GRB14: variants seen among roughly 807,000 people sequenced by gnomAD.
The protein encoded by GRB14 is growth factor receptor-bound protein 14.
A neutral mutation model predicts 69.1 loss-of-function variants in GRB14; 38 were observed. The ratio of observed to expected loss-of-function variants is 0.55; its 90% confidence interval spans 0.42 to 0.72. GRB14 has a LOEUF of 0.72. Ranked by LOEUF, GRB14 falls within the 30% of genes least tolerant of loss-of-function variation. The probability of loss-of-function intolerance (pLI) is 0.00; values close to 1 mark genes in which losing one functional copy is unlikely to be tolerated. For missense variants in GRB14, 666 were observed against 666.1 expected, an observed-to-expected ratio of 1.00 and a Z score of 0.00; for synonymous variants, 247 against 241.3, an observed-to-expected ratio of 1.02 and a Z score of -0.22.
rs575866159 is a variant in GRB14, at chr2:164,565,569, C to T, written c.325-17753G>A. Among the ~76,000 whole-genome samples the T allele has an allele frequency of 2.0e-5, 3 of 152,156 alleles. No individual in the cohort carries two copies. In the East Asian group the frequency reaches 5.8e-4, roughly 29 times the overall value. ...TCTGGGTGACCTTGCATAAGTCACT[C>T]AACACCCAAGAGACTCAGTCTTCTC... is the stretch of plus-strand genomic sequence containing the variant. On this transcript the variant is annotated intron_variant, in intron 2 of 13. Transcript: ENST00000263915.
At chr2:164,564,454 T>A (rs1050408050) in intron 2 of GRB14, among the ~76,000 whole-genome samples, 1 of 152,228 alleles carries the variant, frequency 6.6e-6, no homozygotes, top group Non-Finnish European at 1.5e-5. Flanking sequence ...ATTAGTCTAA[T>A]TGTATGAGGA....
At chr2:164,620,015 T>A (rs1690408789) in intron 1 of GRB14, 196 bp from the exon 2 acceptor site, 2 of 326,586 alleles carry the variant, frequency 6.1e-6, no homozygotes, top group Admixed American at 5.6e-5. Context: ...TACAAACAAA[T>A]CTCCTATAGT....
intron 2 of GRB14, among the ~76,000 whole-genome samples, chr2:164,590,163 T>C (rs770253638): frequency 6.6e-6 from 1 of 152,226 alleles, no homozygotes; most frequent in Non-Finnish European, 1.5e-5. Flanking sequence ...TTCATATTTT[T>C]CCTAAGGAAT....
At chr2:164,499,201 T>A (rs1440436922) in intron 9 of GRB14, among the ~76,000 whole-genome samples, 1 of 152,120 alleles carries the variant, frequency 6.6e-6, no homozygotes, top group East Asian at 1.9e-4. Flanking sequence ...AAAAATACCA[T>A]TATATTAAGA....
intron 2 of GRB14, among the ~76,000 whole-genome samples, chr2:164,605,920 A>T (rs1445170782): frequency 1.3e-5 from 2 of 152,284 alleles, no homozygotes; most frequent in East Asian, 3.9e-4. Flanking sequence ...AAACTACACT[A>T]GCACTTCTCA....
At chr2:164,529,653 C>A (rs568856789) in intron 3 of GRB14, among the ~76,000 whole-genome samples, 2 of 152,210 alleles carry the variant, frequency 1.3e-5, no homozygotes, top group East Asian at 3.9e-4. Flanking sequence ...AACAAACAAC[C>A]CCCACACCAG....
chr2:164,494,795 G>GT (rs1686849636), intron 12 of GRB14, among the ~76,000 whole-genome samples: 1 of 152,158 alleles, frequency 6.6e-6, no homozygotes, highest in African/African-American at 2.4e-5. Context: ...ACAATACACT[G>GT]TTATGTCTGC....
intron 8 of GRB14, 109 bp downstream of exon 8, chr2:164,508,346 T>C: frequency 1.3e-6 from 1 of 783,304 alleles, no homozygotes; most frequent in East Asian, 2.6e-5. Flanking sequence ...ATTTTTCTTC[T>C]TTCTCATGTA....
intron 2 of GRB14, among the ~76,000 whole-genome samples, chr2:164,555,282 A>T (rs974158425): frequency 3.3e-4 from 50 of 152,340 alleles, no homozygotes; most frequent in African/African-American, 1.2e-3. Flanking sequence ...TGAGAATGTC[A>T]CGGAGCAGAA....
chr2:164,552,166 C>G (rs1029182326), intron 2 of GRB14, among the ~76,000 whole-genome samples: 1 of 152,240 alleles, frequency 6.6e-6, no homozygotes, highest in African/African-American at 2.4e-5. Context: ...ACACCTCCTG[C>G]TAAGCTCCAC....
chr2:164,590,340 C>A (rs1689632690), intron 2 of GRB14, among the ~76,000 whole-genome samples: 1 of 151,946 alleles, frequency 6.6e-6, no homozygotes, highest in African/African-American at 2.4e-5. Context: ...AATGGGAATG[C>A]TTAAAAGATA....
intron 5 of GRB14, among the ~76,000 whole-genome samples, chr2:164,522,448 T>A (rs1687658974): frequency 6.6e-6 from 1 of 152,156 alleles, no homozygotes; most frequent in South Asian, 2.1e-4. Flanking sequence ...TACATAGTTA[T>A]CTAACTACCA....
At chr2:164,573,867 A>G (rs760129651) in intron 2 of GRB14, 67 of 1,612,958 alleles carry the variant, frequency 4.2e-5, no homozygotes, top group Non-Finnish European at 5.4e-5. Context: ...TTGATTAGAA[A>G]TGCAAGACTG....
chr2:164,516,357 G>A (rs983149869), intron 6 of GRB14, among the ~76,000 whole-genome samples: 3 of 151,990 alleles, frequency 2.0e-5, no homozygotes, highest in East Asian at 1.9e-4. Context: ...CCATGGTGGC[G>A]TGCGCCTGTA....
intron 2 of GRB14, among the ~76,000 whole-genome samples, chr2:164,607,236 C>T (rs1690062424): frequency 6.6e-6 from 1 of 152,162 alleles, no homozygotes; most frequent in African/African-American, 2.4e-5. Context: ...AATATTCTCT[C>T]CCTTAATAAC....
chr2:164,592,356 G>A (rs927872729), intron 2 of GRB14, among the ~76,000 whole-genome samples: 2 of 152,074 alleles, frequency 1.3e-5, no homozygotes, highest in Non-Finnish European at 2.9e-5. Context: ...AGATGGTCTC[G>A]ATCTCCTGAC....
intron 3 of GRB14, among the ~76,000 whole-genome samples, chr2:164,538,604 G>A (rs918147403): frequency 6.6e-6 from 1 of 152,096 alleles, no homozygotes; most frequent in Admixed American, 6.5e-5. Flanking sequence ...CCAAAATCAG[G>A]CCATTCAGAG....
chr2:164,506,261 G>T (rs1687185223), intron 8 of GRB14, among the ~76,000 whole-genome samples: 1 of 152,256 alleles, frequency 6.6e-6, no homozygotes, highest in South Asian at 2.1e-4. Context: ...TTTAACAGCA[G>T]AATATTTGAA....
intron 2 of GRB14, among the ~76,000 whole-genome samples, chr2:164,553,294 C>T (rs1688591963): frequency 6.6e-6 from 1 of 152,144 alleles, no homozygotes; most frequent in African/African-American, 2.4e-5. Context: ...TTTCTTCAGA[C>T]TATGTCACTG....
Sources: gnomAD v4.1 joint callset for allele counts (sites outside exome capture counted in the v4.1 genomes callset) on GRCh38, gnomAD v4.1.1 for gene constraint, MANE v1.5 for transcripts, NCBI Gene and HGNC (gene_info 2026-07-23, HGNC 2026-07-21) for gene names.